The following TJP1 variants were observed in gnomAD, a reference collection of about 807,000 sequenced individuals.
The protein encoded by TJP1 is tight junction protein 1, also known as tight junction protein ZO-1.
TJP1 carries 43 observed loss-of-function variants against 194.2 expected under a neutral mutation model. The observed-to-expected ratio is 0.22, with a 90% confidence interval of 0.17 to 0.29. The LOEUF is 0.29. Ranked by LOEUF, TJP1 falls within the 10% of genes least tolerant of loss-of-function variation. The probability of loss-of-function intolerance (pLI) is 1.00; values close to 1 mark genes in which losing one functional copy is unlikely to be tolerated. For synonymous variants in TJP1, 801 were observed against 779.0 expected, an observed-to-expected ratio of 1.03 and a Z score of -0.47; for missense variants, 1,971 against 2,185.7, an observed-to-expected ratio of 0.90 and a Z score of 1.96.
At chr15:29,734,405 T>A (rs767626403) in intron 11 of TJP1, 23 bp from the exon 12 acceptor site, 69 of 1,542,188 alleles carry the variant, frequency 4.5e-5, no homozygotes, top group Non-Finnish European at 5.3e-5. Context: ...ATTTCATAAA[T>A]CATTCTTGGC....
intron 2 of TJP1, among the ~76,000 whole-genome samples, chr15:29,948,539 G>A (rs2055362474): frequency 6.6e-6 from 1 of 152,184 alleles, no homozygotes; most frequent in African/African-American, 2.4e-5. Flanking sequence ...AACTTTAGGG[G>A]AAGTTTTCTA....
chr15:29,893,786 T>G (rs2053389508), intron 2 of TJP1, among the ~76,000 whole-genome samples: 1 of 152,234 alleles, frequency 6.6e-6, no homozygotes, highest in Non-Finnish European at 1.5e-5. Flanking sequence ...ACTGACTGCA[T>G]TGTGATATTT....
At chr15:29,821,912 A>G in intron 1 of TJP1, 90 bp downstream of exon 1, 10 of 1,122,424 alleles carry the variant, frequency 8.9e-6, no homozygotes, top group Non-Finnish European at 1.1e-5. Flanking sequence ...GACAGCCGCC[A>G]GCGAGGGAGG....
chr15:29,830,063 A>C (rs1218105637), intron 2 of TJP1, among the ~76,000 whole-genome samples: 1 of 152,078 alleles, frequency 6.6e-6, no homozygotes, highest in Non-Finnish European at 1.5e-5. Flanking sequence ...CTGAAAACAA[A>C]TTGAAGAAAG....
At chr15:29,937,045 A>G (rs2054908488) in intron 2 of TJP1, among the ~76,000 whole-genome samples, 1 of 152,248 alleles carries the variant, frequency 6.6e-6, no homozygotes, top group African/African-American at 2.4e-5. Context: ...TTATAACCAT[A>G]ATATTTATAA....
intron 1 of TJP1, chr15:29,820,647 G>C: frequency 1.4e-6 from 1 of 696,886 alleles, no homozygotes; most frequent in Non-Finnish European, 2.7e-6. Context: ...GTGACATTCT[G>C]TGTAATACGG....
At chr15:29,762,637 G>T (rs946314695) in intron 5 of TJP1, among the ~76,000 whole-genome samples, 199 bp from the exon 6 acceptor site, 1 of 152,130 alleles carries the variant, frequency 6.6e-6, no homozygotes, top group Non-Finnish European at 1.5e-5. Flanking sequence ...AAAGCCAAGG[G>T]AAAGTGTATG....
At chr15:29,761,553 A>C (rs1323805387) in intron 7 of TJP1, 48 bp downstream of exon 7, 1 of 1,545,038 alleles carries the variant, frequency 6.5e-7, no homozygotes, top group African/African-American at 1.4e-5. Flanking sequence ...CTAGTATTTT[A>C]AGAAAATAGG....
At chr15:29,703,178 C>T (rs190690112) in intron 27 of TJP1, among the ~76,000 whole-genome samples, 7 of 152,284 alleles carry the variant, frequency 4.6e-5, no homozygotes, top group African/African-American at 1.4e-4. Context: ...AGGCCAGGCA[C>T]GGTGGCTCAC....
At chr15:29,866,710 A>T (rs1186689041) in intron 2 of TJP1, among the ~76,000 whole-genome samples, 1 of 152,212 alleles carries the variant, frequency 6.6e-6, no homozygotes, top group African/African-American at 2.4e-5. Flanking sequence ...GGTGTTTTTG[A>T]TCCATTAAAA....
intron 8 of TJP1, among the ~76,000 whole-genome samples, chr15:29,750,624 C>G (rs2045209810): frequency 6.6e-6 from 1 of 152,150 alleles, no homozygotes; most frequent in African/African-American, 2.4e-5. Context: ...ACTTCTAGCT[C>G]TATGAACACC....
At chr15:29,778,624 A>G (rs576833386) in intron 2 of TJP1, among the ~76,000 whole-genome samples, 1 of 152,308 alleles carries the variant, frequency 6.6e-6, no homozygotes, top group East Asian at 1.9e-4. Flanking sequence ...GCCTTTGAAT[A>G]CAACTCCAAA....
chr15:29,731,952 A>G (rs2151250901), intron 15 of TJP1, among the ~76,000 whole-genome samples: 1 of 152,320 alleles, frequency 6.6e-6, no homozygotes, highest in Non-Finnish European at 1.5e-5. Context: ...ATGTTTTATT[A>G]CCCTTTTTAA....
In TJP1 at chr15:29,889,306, T is replaced by C. The variant is rs575826790; in HGVS notation, c.306+66926A>G. Among the ~76,000 whole-genome samples the C allele has an allele frequency of 9.2e-5, 14 of 152,360 alleles. No individual in the cohort carries two copies. The East Asian group carries it at 2.7e-3, about 29-fold the overall frequency. ...TTAGTGCAAAGTTTAATCTATTTTG[T>C]ATGAAATACTTTTTTTCTCTGTTAA... On this transcript the variant is annotated intron_variant, in intron 2 of 28. Transcript: ENST00000356107.
chr15:29,823,900 A>G (rs1202498360), upstream of TJP1: 6 of 151,514 alleles, frequency 4.0e-5, no homozygotes, highest in East Asian at 3.9e-4. Flanking sequence ...AGCCTGGCCA[A>G]TATGGTGAAA....
chr15:29,943,628 CAAAAAAA>C (rs71103417), intron 2 of TJP1, among the ~76,000 whole-genome samples: 3 of 51,018 alleles, frequency 5.9e-5, no homozygotes, highest in Non-Finnish European at 1.0e-4. Flanking sequence ...GACTCCATCT[CAAAAAAA>C]AAAAAAAAAA....
chr15:29,955,209 G>C (rs1385231830), intron 2 of TJP1, among the ~76,000 whole-genome samples: 1 of 152,076 alleles, frequency 6.6e-6, no homozygotes, highest in Non-Finnish European at 1.5e-5. Context: ...AACAATGGCC[G>C]ATGGTACCTT....
chr15:29,762,207 C>A, intron 6 of TJP1, 128 bp downstream of exon 6: 1 of 661,780 alleles, frequency 1.5e-6, no homozygotes, highest in Non-Finnish European at 2.5e-6. Context: ...AATTTATATC[C>A]CTCTCCCCCA....
Position 29,783,134 on chromosome 15 carries a change from C to T in TJP1, c.85-9777G>A, listed in dbSNP as rs570222120. Among the ~76,000 whole-genome samples the T allele has an allele frequency of 4.0e-4, 61 of 152,054 alleles. No homozygotes were observed. The South Asian group carries it at 0.012, about 30-fold the overall frequency. On this transcript the variant is annotated intron_variant, in intron 2 of 27. Coordinates refer to ENST00000614355, the MANE Select transcript of TJP1 (RefSeq NM_001330239.4). ...ACTAAAAGTACAAAAATTAGCCAGG[C>T]GTGGTGGTGCATGCCTGTAATCCCA...
Sources: allele counts gnomAD v4.1 joint callset (sites outside exome capture counted in the v4.1 genomes callset), GRCh38; gene constraint gnomAD v4.1.1; transcripts MANE v1.5; gene names NCBI Gene and HGNC (gene_info 2026-07-23, HGNC 2026-07-21).